Variants in XYLT1 observed in about 807,000 individuals in gnomAD.
The protein encoded by XYLT1 is xylosyltransferase 1.
Under a neutral mutation model 91.3 loss-of-function variants are expected in XYLT1, and 36 were observed. That is an observed-to-expected ratio of 0.39 (90% CI 0.30 to 0.52). The LOEUF is 0.52. Among genes scored for constraint, XYLT1 ranks in the 20% least tolerant of loss-of-function variants. The pLI is 0.68. For missense variants in XYLT1, 1,242 were observed against 1,284.5 expected, an observed-to-expected ratio of 0.97 and a Z score of 0.51; for synonymous variants, 588 against 532.0, an observed-to-expected ratio of 1.11 and a Z score of -1.45.
chr16:17,344,826 G>C (rs767502477), intron 2 of XYLT1, among the ~76,000 whole-genome samples: 1 of 151,472 alleles, frequency 6.6e-6, no homozygotes, highest in African/African-American at 2.4e-5. Context: ...TCAGCCTCCC[G>C]AGTAGCTGGG....
In XYLT1 at chr16:17,138,838, A is replaced by G. The variant is rs560667486; in HGVS notation, c.1588-307T>C. On this transcript the variant is annotated intron_variant, in intron 7 of 11. Transcript: ENST00000261381. ...TGCATGCATTTGAGGTCAGCTGCCC[A>G]TGTGGTCCAACTCAGAGCGCAGGCG... 8.5e-4 allele frequency: 218 copies of G among 255,956 alleles called. 2 individuals are homozygous for G. Among genetic ancestry groups the G allele is most frequent in the South Asian group, 2.0e-3 (27 of 13,816 alleles). The allele number at this position is 255,956 out of a possible 1,614,324, so 15.9% of individuals were successfully genotyped here. A position where few individuals can be genotyped will look rare whatever the true frequency, so the allele number is the denominator to read the frequency against.
At chr16:17,423,263 GC>G (rs1467843935) in intron 1 of XYLT1, among the ~76,000 whole-genome samples, 1 of 152,156 alleles carries the variant, frequency 6.6e-6, no homozygotes, top group African/African-American at 2.4e-5. Flanking sequence ...CTCCCCAGCA[GC>G]GCCTGATGTT....
chr16:17,298,569 G>A (rs2034349533), intron 2 of XYLT1, among the ~76,000 whole-genome samples: 1 of 152,076 alleles, frequency 6.6e-6, no homozygotes, highest in Non-Finnish European at 1.5e-5. Context: ...ATGGGAGGTG[G>A]GAGTCCTGAA....
At chr16:17,377,175 T>TCACACACACACACACACACACACACA (rs376242678) in intron 1 of XYLT1, among the ~76,000 whole-genome samples, 2 of 150,830 alleles carry the variant, frequency 1.3e-5, no homozygotes, top group African/African-American at 4.9e-5. Context: ...AGACTCTGCC[T>TCACACACACACACACACACACACACA]CACACACACA....
intron 2 of XYLT1, among the ~76,000 whole-genome samples, chr16:17,279,730 A>C (rs2034029909): frequency 6.6e-6 from 1 of 152,166 alleles, no homozygotes; most frequent in South Asian, 2.1e-4. Context: ...GCCAAAGAAG[A>C]CCACGAGAGT....
In XYLT1 at chr16:17,259,231, C is replaced by T. The variant is rs534156689; in HGVS notation, c.670G>A (p.Ala224Thr). Residue 224 changes from alanine (A) to threonine (T), a missense_variant, in exon 3 of 12, where the codon GCA becomes ACA. By Grantham distance (58) the Ala-to-Thr change is moderately conservative. Coordinates refer to ENST00000261381, the MANE Select transcript of XYLT1 (RefSeq NM_022166.4). Reference protein sequence around the residue: ...GEVLPPGDRAAANSSHGKDVS... With the variant: ...GEVLPPGDRATANSSHGKDVS... ...TCCTTCCCGTGGCTGCTGTTGGCTG[C>T]GGCTCTGTCCCCGGGAGGCAGCACC... is the stretch of plus-strand genomic sequence containing the variant. 43 of 1,614,028 alleles carry T rather than the reference C, an allele frequency of 2.7e-5. No homozygotes were observed. Among genetic ancestry groups the T allele is most frequent in the Middle Eastern group, 3.3e-4 (2 of 6,062 alleles).
At chr16:17,231,053 T>C (rs748096725) in intron 3 of XYLT1, among the ~76,000 whole-genome samples, 2 of 152,228 alleles carry the variant, frequency 1.3e-5, no homozygotes, top group African/African-American at 2.4e-5. Flanking sequence ...TCATGACTTG[T>C]GCCTCTCAAG....
At chr16:17,344,048 C>T (rs927956278) in intron 2 of XYLT1, among the ~76,000 whole-genome samples, 1 of 152,124 alleles carries the variant, frequency 6.6e-6, no homozygotes. Flanking sequence ...GTTTTCAGCT[C>T]AGGGGTGCTT....
At chr16:17,138,638 G>T in intron 7 of XYLT1, 107 bp from the exon 8 acceptor site, 1 of 1,355,406 alleles carries the variant, frequency 7.4e-7, no homozygotes, top group Non-Finnish European at 1.0e-6. Context: ...AGAACTGGTT[G>T]TTTAAAAGAA....
At chr16:17,167,327 G>A (rs979309778) in intron 5 of XYLT1, among the ~76,000 whole-genome samples, 4 of 152,280 alleles carry the variant, frequency 2.6e-5, no homozygotes, top group Non-Finnish European at 4.4e-5. Flanking sequence ...ATTGATACAG[G>A]TAGAACCTCT....
chr16:17,321,565 G>A (rs1409564928), intron 2 of XYLT1, among the ~76,000 whole-genome samples: 1 of 151,514 alleles, frequency 6.6e-6, no homozygotes, highest in Non-Finnish European at 1.5e-5. Flanking sequence ...ACCATGTTGG[G>A]CAGGCTGGTC....
intron 10 of XYLT1, 48 bp downstream of exon 10, chr16:17,127,618 G>A (rs751149758): frequency 1.9e-5 from 30 of 1,576,298 alleles, no homozygotes; most frequent in Middle Eastern, 3.4e-4. Flanking sequence ...GAATCTGGCC[G>A]AGGGAAATGC....
At chr16:17,452,231 G>C (rs1417996053) in intron 1 of XYLT1, among the ~76,000 whole-genome samples, 1 of 150,676 alleles carries the variant, frequency 6.6e-6, no homozygotes, top group Non-Finnish European at 1.5e-5. Flanking sequence ...TTTGCATTCT[G>C]TTTTGTGAAT....
At chr16:17,217,678 C>T (rs942122989) in intron 3 of XYLT1, among the ~76,000 whole-genome samples, 5 of 152,302 alleles carry the variant, frequency 3.3e-5, no homozygotes, top group African/African-American at 1.2e-4. Flanking sequence ...AAGGAGCTGA[C>T]AGTCCAGTGG....
chr16:17,145,245 T>C (rs2031100689), intron 6 of XYLT1, among the ~76,000 whole-genome samples: 1 of 152,258 alleles, frequency 6.6e-6, no homozygotes, highest in Admixed American at 6.5e-5. Flanking sequence ...ATGATTTTTC[T>C]GGGAACCACA....
At chr16:17,323,849 G>C (rs2034761592) in intron 2 of XYLT1, among the ~76,000 whole-genome samples, 1 of 152,198 alleles carries the variant, frequency 6.6e-6, no homozygotes, top group African/African-American at 2.4e-5. Context: ...GTCAAGAGCA[G>C]ATGGCAGAGA....
chr16:17,199,432 C>T (rs2032491476), intron 4 of XYLT1, among the ~76,000 whole-genome samples: 1 of 152,160 alleles, frequency 6.6e-6, no homozygotes, highest in African/African-American at 2.4e-5. Context: ...AGACTATGTG[C>T]CCTGCAACAC....
At chr16:17,328,243 A>G (rs934706004) in intron 2 of XYLT1, among the ~76,000 whole-genome samples, 99 of 152,100 alleles carry the variant, frequency 6.5e-4, no homozygotes, top group Non-Finnish European at 5.9e-5. Flanking sequence ...TGTCACAATC[A>G]GGCATATTAA....
chr16:17,301,028 T>C (rs187755076), intron 2 of XYLT1, among the ~76,000 whole-genome samples: 2 of 152,174 alleles, frequency 1.3e-5, no homozygotes, highest in East Asian at 1.9e-4. Context: ...AGGAGTTAGT[T>C]TGTATATCTA....
Sources: allele counts gnomAD v4.1 joint callset (sites outside exome capture counted in the v4.1 genomes callset), GRCh38; gene constraint gnomAD v4.1.1; transcripts MANE v1.5; gene names NCBI Gene and HGNC (gene_info 2026-07-23, HGNC 2026-07-21).